The following KIRREL3 variants were observed in gnomAD, a reference collection of about 807,000 sequenced individuals.
The protein encoded by KIRREL3 is kin of IRRE-like protein 3.
Under a neutral mutation model 89.7 loss-of-function variants are expected in KIRREL3, and 36 were observed. The ratio of observed to expected loss-of-function variants is 0.40; its 90% CI spans 0.31 to 0.53. KIRREL3 has a LOEUF of 0.53. Ranked by LOEUF, KIRREL3 falls within the 20% of genes least tolerant of loss-of-function variation. The probability of loss-of-function intolerance (pLI) is 0.49; values close to 1 mark genes in which losing one functional copy is unlikely to be tolerated. For synonymous variants in KIRREL3, 445 were observed against 441.4 expected, an observed-to-expected ratio of 1.01 and a Z score of -0.10; for missense variants, 864 against 1,056.6, an observed-to-expected ratio of 0.82 and a Z score of 2.53.
intron 1 of KIRREL3, among the ~76,000 whole-genome samples, chr11:126,815,223 C>G (rs143942204): frequency 6.6e-6 from 1 of 152,138 alleles, no homozygotes; most frequent in African/African-American, 2.4e-5. Flanking sequence ...CTTTAGCACA[C>G]GATATTTCTG....
chr11:126,785,394 T>A (rs1326993704), intron 1 of KIRREL3, among the ~76,000 whole-genome samples: 1 of 152,178 alleles, frequency 6.6e-6, no homozygotes, highest in South Asian at 2.1e-4. Flanking sequence ...ACCTCCTGCA[T>A]GGTCAGAGCC....
intron 1 of KIRREL3, among the ~76,000 whole-genome samples, chr11:126,599,506 C>G (rs2134741112): frequency 6.6e-6 from 1 of 152,330 alleles, no homozygotes; most frequent in Admixed American, 6.5e-5. Flanking sequence ...CCCCCTTTCT[C>G]TTCTGGCATG....
chr11:126,914,025 G>T (rs1368231759), intron 1 of KIRREL3, among the ~76,000 whole-genome samples: 1 of 152,222 alleles, frequency 6.6e-6, no homozygotes, highest in African/African-American at 2.4e-5. Flanking sequence ...GGTCAGCATC[G>T]ACTCTTGCTT....
chr11:126,512,944 A>C (rs939620794), intron 4 of KIRREL3, among the ~76,000 whole-genome samples: 1 of 152,148 alleles, frequency 6.6e-6, no homozygotes, highest in Non-Finnish European at 1.5e-5. Context: ...GAGATTAAGC[A>C]TCATCAGCCC....
intron 5 of KIRREL3, 143 bp downstream of exon 5, chr11:126,473,166 A>G (rs1250924654): frequency 7.5e-5 from 14 of 186,578 alleles, no homozygotes; most frequent in Non-Finnish European, 1.0e-4. Flanking sequence ...CACCCCTCCT[A>G]GTCCCCTCCT....
At chr11:126,500,221 C>A (rs966147692) in intron 4 of KIRREL3, among the ~76,000 whole-genome samples, 9 of 152,184 alleles carry the variant, frequency 5.9e-5, no homozygotes, top group Non-Finnish European at 1.2e-4. Context: ...CTCCCCAAAG[C>A]CACCTGATGT....
At chr11:126,926,138 A>G (rs1947704783) in intron 1 of KIRREL3, among the ~76,000 whole-genome samples, 1 of 152,208 alleles carries the variant, frequency 6.6e-6, no homozygotes, top group Non-Finnish European at 1.5e-5. Flanking sequence ...ATGATTGGTA[A>G]GAAGAACGCT....
In KIRREL3 at chr11:126,508,385, C is replaced by T. The variant is rs1327594929; in HGVS notation, c.433+12930G>A. On this transcript the variant is annotated intron_variant, in intron 4 of 16. Transcript: ENST00000525144. The surrounding 1 kb of genome is among the most constrained non-coding windows in gnomAD (Gnocchi z 4.9). ...GGAGAAAGACGCGGCAGGTGGCCGCCCAGAGGATGATACTGAATGGGATGG... is the reference window on the plus strand; with the variant it reads ...GGAGAAAGACGCGGCAGGTGGCCGCTCAGAGGATGATACTGAATGGGATGG... Among the ~76,000 whole-genome samples, 1 of 151,972 alleles carries T rather than the reference C, an allele frequency of 6.6e-6. No individual in the cohort carries two copies. The highest frequency in any genetic ancestry group is 2.4e-5 in the African/African-American group (1 of 41,348).
intron 8 of KIRREL3, among the ~76,000 whole-genome samples, chr11:126,448,312 GA>G (rs1955903646): frequency 6.9e-6 from 1 of 145,972 alleles, no homozygotes; most frequent in Non-Finnish European, 1.5e-5. Context: ...GAAATAAAAA[GA>G]AAAAGAAGGT....
At position 126,587,084 on chromosome 11, in the gene KIRREL3, C is replaced by T. The variant is rs376923233; in HGVS notation, c.56-24172G>A. Among the ~76,000 whole-genome samples the T allele has an allele frequency of 2.5e-4, 38 of 152,068 alleles. No individual in the cohort carries two copies. The highest frequency in any genetic ancestry group is 2.1e-4 in the South Asian group (1 of 4,818). ...GGAGAGATGAATAAACAGGCAACGACGATGCAGTGTGATGGATGCTCCAGT... is the reference window on the plus strand; with the variant it reads ...GGAGAGATGAATAAACAGGCAACGATGATGCAGTGTGATGGATGCTCCAGT... On this transcript the variant is annotated intron_variant, in intron 1 of 16. Coordinates refer to ENST00000525144, the MANE Select transcript of KIRREL3 (RefSeq NM_032531.4). This position sits in a 1 kb window ranked among gnomAD's most constrained non-coding sequence, Gnocchi z 5.2.
At chr11:126,861,080 C>T (rs549841090) in intron 1 of KIRREL3, among the ~76,000 whole-genome samples, 1 of 152,174 alleles carries the variant, frequency 6.6e-6, no homozygotes, top group East Asian at 1.9e-4. Flanking sequence ...GGGAAAAGGG[C>T]AAAGCTCTGG....
rs144614102 is a variant in KIRREL3 at position 126,713,736 on chromosome 11, C to T, written c.56-150824G>A. 1.7e-3 allele frequency among the ~76,000 whole-genome samples: 259 copies of T among 152,106 alleles called. 3 individuals are homozygous for T. Among genetic ancestry groups the T allele is most frequent in the African/African-American group, 5.8e-3 (242 of 41,486 alleles). Reference sequence around the variant, plus strand: ...AGGGAGAGTGGAGGGTGTGGGGTTCCGTAGGGGGATCTGACCTGGCCAGAA... The same window carrying T: ...AGGGAGAGTGGAGGGTGTGGGGTTCTGTAGGGGGATCTGACCTGGCCAGAA... On this transcript the variant is annotated intron_variant, in intron 1 of 16. Coordinates refer to ENST00000525144, the MANE Select transcript of KIRREL3 (RefSeq NM_032531.4).
rs1383214679 is a variant in KIRREL3, at chr11:126,565,867, A to G, written c.56-2955T>C. Among the ~76,000 whole-genome samples, 5 of 151,828 alleles carry G rather than the reference A, an allele frequency of 3.3e-5. No homozygotes were observed. The highest frequency in any genetic ancestry group is 9.7e-5 in the African/African-American group (4 of 41,302). ...GAGGCAATTGCTTTGGCTTGGGGAG[A>G]CTCTACCAAGCCAAACTAACTAGGT... On this transcript the variant is annotated intron_variant, in intron 1 of 16. Coordinates refer to ENST00000525144, the MANE Select transcript of KIRREL3 (RefSeq NM_032531.4). The surrounding 1 kb of genome is among the most constrained non-coding windows in gnomAD (Gnocchi z 5.4).
intron 1 of KIRREL3, among the ~76,000 whole-genome samples, chr11:126,907,445 T>C (rs1946632588): frequency 6.6e-6 from 1 of 152,128 alleles, no homozygotes; most frequent in Non-Finnish European, 1.5e-5. Context: ...CACAACACAG[T>C]GACCTCAGAC....
At chr11:126,442,181 AACCT>A (rs1955591575) in intron 10 of KIRREL3, among the ~76,000 whole-genome samples, 1 of 148,856 alleles carries the variant, frequency 6.7e-6, no homozygotes, top group Non-Finnish European at 1.5e-5. Flanking sequence ...GAATTGCTTG[AACCT>A]GGGAGGTGGA....
intron 1 of KIRREL3, among the ~76,000 whole-genome samples, chr11:126,854,449 G>A (rs1426725270): frequency 1.3e-5 from 2 of 152,126 alleles, no homozygotes; most frequent in African/African-American, 2.4e-5. Flanking sequence ...ACTACTCCAC[G>A]GACATCATAT....
Position 126,656,868 on chromosome 11 carries a change from G to A in KIRREL3, c.56-93956C>T, listed in dbSNP as rs769670431. ...GGAGTCCCAGACCAGCCTGGCTGTCGTGGTGGGACCCCGTCTCTACTAGGA... is the reference window on the plus strand; with the variant it reads ...GGAGTCCCAGACCAGCCTGGCTGTCATGGTGGGACCCCGTCTCTACTAGGA... On this transcript the variant is annotated intron_variant, in intron 1 of 16. Transcript: ENST00000525144. This position sits in a 1 kb window ranked among gnomAD's most constrained non-coding sequence, Gnocchi z 4.0. Among the ~76,000 whole-genome samples, 2 of 152,086 alleles carry A rather than the reference G, an allele frequency of 1.3e-5. No individual in the cohort carries two copies. Among genetic ancestry groups the A allele is most frequent in the Non-Finnish European group, 2.9e-5 (2 of 68,032 alleles).
At chr11:126,667,007 G>A (rs1173723617) in intron 1 of KIRREL3, among the ~76,000 whole-genome samples, 1 of 152,094 alleles carries the variant, frequency 6.6e-6, no homozygotes, top group Non-Finnish European at 1.5e-5. Context: ...TTTTGAACAA[G>A]GCACTTTAAT....
chr11:126,518,115 C>T (rs1958474374), intron 4 of KIRREL3, among the ~76,000 whole-genome samples: 1 of 152,222 alleles, frequency 6.6e-6, no homozygotes, highest in Non-Finnish European at 1.5e-5. Context: ...CATTTCCTGG[C>T]TCCCTCCTTC....
Sources: allele counts gnomAD v4.1 joint callset (sites outside exome capture counted in the v4.1 genomes callset), GRCh38; gene constraint gnomAD v4.1.1; non-coding constraint Gnocchi (gnomAD v3.1); transcripts MANE v1.5; gene names NCBI Gene and HGNC (gene_info 2026-07-23, HGNC 2026-07-21).